ADGRA3: variants seen among roughly 807,000 people sequenced by gnomAD.
ADGRA3 encodes the protein adhesion G protein-coupled receptor A3.
A neutral mutation model predicts 119.8 loss-of-function variants in ADGRA3; 56 were observed. That is an observed-to-expected ratio of 0.47 (90% CI 0.38 to 0.58). The LOEUF is 0.58. Ranked by LOEUF, ADGRA3 falls within the 20% of genes least tolerant of loss-of-function variation. The pLI, the probability that ADGRA3 is intolerant of heterozygous loss-of-function variation, is 0.00. For synonymous variants in ADGRA3, 607 were observed against 623.8 expected (o/e 0.97, Z 0.40); for missense variants, 1,516 against 1,649.0 (o/e 0.92, Z 1.40).
At chr4:22,414,481 T>C (rs1189222880) in intron 12 of ADGRA3, 2 of 511,158 alleles carry the variant, frequency 3.9e-6, no homozygotes, top group Non-Finnish European at 6.8e-6. Flanking sequence ...GTAAAAAATA[T>C]ATATATACCA....
At position 22,437,389 on chromosome 4, in the gene ADGRA3, G is replaced by C. The variant is rs139052298; in HGVS notation, c.1086-748C>G. ...AACACCAAAGGGTTTTCCCACCCTTGAAACACTGAGGTTAGAGACAGGAGG... is the reference window on the plus strand; with the variant it reads ...AACACCAAAGGGTTTTCCCACCCTTCAAACACTGAGGTTAGAGACAGGAGG... On this transcript the variant is annotated intron_variant, in intron 8 of 18. Coordinates refer to ENST00000334304, the MANE Select transcript of ADGRA3 (RefSeq NM_145290.4). 2.1e-4 allele frequency among the ~76,000 whole-genome samples: 32 copies of C among 152,248 alleles called. No homozygotes were observed. In the East Asian group the frequency reaches 2.7e-3, roughly 13 times the overall value.
At chr4:22,458,883 C>G (rs1357285316) in intron 3 of ADGRA3, among the ~76,000 whole-genome samples, 1 of 152,128 alleles carries the variant, frequency 6.6e-6, no homozygotes, top group Non-Finnish European at 1.5e-5. Context: ...AGCAAGATCT[C>G]CTCCAGATGG....
At chr4:22,401,805 C>T (rs1305817737) in intron 15 of ADGRA3, among the ~76,000 whole-genome samples, 2 of 152,120 alleles carry the variant, frequency 1.3e-5, no homozygotes, top group Non-Finnish European at 2.9e-5. Flanking sequence ...TATAGAACCA[C>T]TGCACCCACT....
intron 14 of ADGRA3, among the ~76,000 whole-genome samples, chr4:22,405,012 G>A (rs1434766432): frequency 5.3e-5 from 8 of 152,048 alleles, no homozygotes; most frequent in Non-Finnish European, 1.5e-5. Flanking sequence ...ATAACATGTT[G>A]CCACTTACCA....
rs1577315911 is a variant in ADGRA3, at chr4:22,388,128, T to G, written c.3543A>C (p.Ala1181=). Residue 1181 remains alanine (A), a synonymous_variant, in exon 19 of 19, where the codon GCA becomes GCC. Coordinates refer to ENST00000334304, the MANE Select transcript of ADGRA3 (RefSeq NM_145290.4). ...ATTCTCTCAGGACTGTGAGTCGGCT[T>G]GCCCGGTGTCCTTTACTTCTGTTTT... is the stretch of plus-strand genomic sequence containing the variant. ...HHKNRSKGHR[A]SRLTVLREYA... is the part of the protein sequence containing the mutation. 32 of 1,614,162 alleles carry G rather than the reference T, an allele frequency of 2.0e-5. No individual in the cohort carries two copies. The East Asian group carries it at 6.9e-4, about 35-fold the overall frequency.
intron 2 of ADGRA3, among the ~76,000 whole-genome samples, chr4:22,468,951 A>G (rs1717760481): frequency 6.6e-6 from 1 of 152,058 alleles, no homozygotes; most frequent in Non-Finnish European, 1.5e-5. Flanking sequence ...TCTAATAATA[A>G]TGTTTTTTAG....
chr4:22,441,039 C>A (rs1429506798), intron 7 of ADGRA3, among the ~76,000 whole-genome samples: 1 of 151,984 alleles, frequency 6.6e-6, no homozygotes, highest in African/African-American at 2.4e-5. Flanking sequence ...CAAAAGCAGG[C>A]AATAACTGAA....
Position 22,388,931 on chromosome 4 carries a change from C to T in ADGRA3, c.2740G>A (p.Glu914Lys), listed in dbSNP as rs1404464045. The change falls in exon 19 of 19, where the codon GAA becomes AAA. Residue 914 changes from glutamate to lysine, a missense_variant. Physicochemically the swap from Glu to Lys is moderately conservative, Grantham distance 56 (BLOSUM62 1). This residue lies in a region of ADGRA3 where 1,088 missense variants were observed against 1,107.1 expected (regional missense o/e 0.98). Transcript: ENST00000334304. ...PNAPYCWMAW[E>K]PSLGAFYGPA... ...CCATAGAAGGCTCCCAAGGAGGGTT[C>T]CCATGCCATCCAGCAACTGGAAAAG... is the stretch of plus-strand genomic sequence containing the variant. 6.2e-7 allele frequency: 1 copy of T among 1,612,814 alleles called. No individual in the cohort carries two copies. Among genetic ancestry groups the T allele is most frequent in the Admixed American group, 1.7e-5 (1 of 59,840 alleles).
intron 17 of ADGRA3, among the ~76,000 whole-genome samples, chr4:22,391,382 GCAC>G (rs1714129995): frequency 6.6e-6 from 1 of 151,914 alleles, no homozygotes; most frequent in African/African-American, 2.4e-5. Context: ...CTCCGTCAAG[GCAC>G]GCTAGCTAGC....
chr4:22,481,308 T>G (rs1447587623), intron 1 of ADGRA3, among the ~76,000 whole-genome samples: 1 of 152,110 alleles, frequency 6.6e-6, no homozygotes, highest in African/African-American at 2.4e-5. Context: ...TCCTCAAAAA[T>G]AAATTTTCAG....
intron 10 of ADGRA3, among the ~76,000 whole-genome samples, chr4:22,427,720 C>T (rs1318500960): frequency 6.6e-6 from 1 of 152,154 alleles, no homozygotes; most frequent in African/African-American, 2.4e-5. Flanking sequence ...TGAAAAATTA[C>T]ACTGGATTAA....
At chr4:22,438,457 A>G in intron 7 of ADGRA3, 37 bp from the exon 8 acceptor site, 1 of 1,553,876 alleles carries the variant, frequency 6.4e-7, no homozygotes, top group South Asian at 1.2e-5. Flanking sequence ...GAGAAAATAT[A>G]ATTAGGCAAA....
intron 10 of ADGRA3, among the ~76,000 whole-genome samples, chr4:22,434,797 C>A (rs1421152847): frequency 6.6e-6 from 1 of 152,134 alleles, no homozygotes; most frequent in African/African-American, 2.4e-5. Flanking sequence ...AGTTAAAATA[C>A]GCCACTTTTA....
intron 1 of ADGRA3, among the ~76,000 whole-genome samples, chr4:22,490,446 T>C (rs545512038): frequency 6.6e-5 from 10 of 152,342 alleles, no homozygotes; most frequent in Admixed American, 6.5e-4. Context: ...CTGAGGTTCT[T>C]ATAGGAGTCT....
intron 16 of ADGRA3, chr4:22,394,910 C>T (rs1426670998): frequency 6.6e-6 from 1 of 152,064 alleles, no homozygotes; most frequent in Non-Finnish European, 1.5e-5. Flanking sequence ...AAATATTCTA[C>T]AAATTTCAGA....
Position 22,442,879 on chromosome 4 carries a change from C to G in ADGRA3, c.707-16G>C, listed in dbSNP as rs1160392494. 3 of 1,564,626 alleles carry G rather than the reference C, an allele frequency of 1.9e-6. No individual in the cohort carries two copies. In the South Asian group the frequency reaches 3.4e-5, roughly 18 times the overall value. On this transcript the variant is annotated splice_polypyrimidine_tract_variant and intron_variant, in intron 6 of 18. Transcript: ENST00000334304. ...AGCGGAGGGTCTAGAGACAATCAAACAAAGATTCAGTAAACAAATATAATT... is the reference window on the plus strand; with the variant it reads ...AGCGGAGGGTCTAGAGACAATCAAAGAAAGATTCAGTAAACAAATATAATT...
chr4:22,407,469 A>G (rs1171251893), intron 14 of ADGRA3, among the ~76,000 whole-genome samples: 1 of 152,162 alleles, frequency 6.6e-6, no homozygotes, highest in Non-Finnish European at 1.5e-5. Flanking sequence ...TGGTGGTATG[A>G]GACACCTTTG....
chr4:22,466,194 A>C (rs1413686873), intron 2 of ADGRA3, among the ~76,000 whole-genome samples: 1 of 151,780 alleles, frequency 6.6e-6, no homozygotes, highest in Non-Finnish European at 1.5e-5. Context: ...TCCTTCACCA[A>C]CTCTCACTTC....
intron 8 of ADGRA3, 90 bp from the exon 9 acceptor site, chr4:22,436,731 G>T: frequency 9.0e-7 from 1 of 1,115,206 alleles, no homozygotes; most frequent in South Asian, 1.3e-5. Context: ...CAAAGATGAA[G>T]ATGTGTCATG....
Sources: gnomAD v4.1 joint callset for allele counts (sites outside exome capture counted in the v4.1 genomes callset) on GRCh38, gnomAD v4.1.1 for gene constraint, gnomAD v4.1.1 regional missense constraint, MANE v1.5 for transcripts, NCBI Gene and HGNC (gene_info 2026-07-23, HGNC 2026-07-21) for gene names.